Variants in SLF2 observed in about 807,000 individuals in gnomAD.
SLF2 encodes the protein SMC5-SMC6 complex localization factor protein 2.
In SLF2, 68 loss-of-function variants were observed where a neutral mutation model predicts 124.3. The observed-to-expected ratio is 0.55, with a 90% confidence interval of 0.45 to 0.67. SLF2 has a LOEUF of 0.67. Ranked by LOEUF, SLF2 falls within the 30% of genes least tolerant of loss-of-function variation. SLF2 has a pLI of 0.00. For missense variants in SLF2, 1,246 were observed against 1,373.7 expected (o/e 0.91, Z 1.47); for synonymous variants, 480 against 478.8 (o/e 1.00, Z -0.03).
chr10:100,939,840 T>C (rs895554895), intron 11 of SLF2, among the ~76,000 whole-genome samples: 1 of 152,190 alleles, frequency 6.6e-6, no homozygotes, highest in African/African-American at 2.4e-5. Context: ...AAAAGTTGAA[T>C]GTTTTCACTT....
Position 100,917,298 on chromosome 10 carries a change from G to A in SLF2, c.913G>A (p.Val305Met), listed in dbSNP as rs1373633888. The change falls in exon 3 of 20, where the codon GTG becomes ATG. Residue 305 changes from valine (V) to methionine (M), a missense_variant and splice_region_variant. By Grantham distance (21) the Val-to-Met change is conservative. This residue lies in a region of SLF2 where 698 missense variants were observed against 708.9 expected (regional missense o/e 0.98). Coordinates refer to ENST00000238961, the MANE Select transcript of SLF2 (RefSeq NM_018121.4). ...IIPGKNNLSN[V>M]ENGHLSRKRS... Reference sequence around the variant, plus strand: ...ACCTGGAAAAAATAATCTGTCAAATGTGGTATGTGTAAGAATTATTGAATT... The same window carrying A: ...ACCTGGAAAAAATAATCTGTCAAATATGGTATGTGTAAGAATTATTGAATT... 2 of 1,605,246 alleles carry A rather than the reference G, an allele frequency of 1.2e-6. No homozygotes were observed. The highest frequency in any genetic ancestry group is 1.7e-6 in the Non-Finnish European group (2 of 1,177,168).
rs1160818215 is a variant in SLF2 at position 100,951,486 on chromosome 10, C to T, written c.3330+733C>T. 3.9e-5 allele frequency among the ~76,000 whole-genome samples: 6 copies of T among 152,316 alleles called. No individual in the cohort carries two copies. In the East Asian group the frequency reaches 5.8e-4, roughly 15 times the overall value. ...CCATGCAGTTTACATAGCATTTTCA[C>T]TTAGCACCCTTTACCTAGCAACCTC... is the stretch of plus-strand genomic sequence containing the variant. On this transcript the variant is annotated intron_variant, in intron 17 of 19. Coordinates refer to ENST00000238961, the MANE Select transcript of SLF2 (RefSeq NM_018121.4).
intron 4 of SLF2, among the ~76,000 whole-genome samples, chr10:100,922,889 T>C (rs1016800746): frequency 6.6e-6 from 1 of 151,646 alleles, no homozygotes; most frequent in Non-Finnish European, 1.5e-5. Context: ...GATTCTCCTG[T>C]CTTGGCCTCC....
intron 9 of SLF2, among the ~76,000 whole-genome samples, chr10:100,934,163 A>G (rs968168129): frequency 6.6e-6 from 1 of 152,238 alleles, no homozygotes; most frequent in Non-Finnish European, 1.5e-5. Context: ...TAAACAGAAC[A>G]TGTGAATGTG....
intron 9 of SLF2, among the ~76,000 whole-genome samples, chr10:100,936,092 C>T (rs1304892771): frequency 1.3e-5 from 2 of 151,736 alleles, no homozygotes; most frequent in African/African-American, 4.8e-5. Context: ...AACCCCTGGG[C>T]TCAAATGATC....
At chr10:100,947,016 T>C (rs1850117224) in intron 13 of SLF2, 23 bp from the exon 14 acceptor site, 5 of 1,575,394 alleles carry the variant, frequency 3.2e-6, no homozygotes, top group Non-Finnish European at 2.6e-6. Context: ...TGAAAAGAAA[T>C]CTTACATGTT....
intron 6 of SLF2, among the ~76,000 whole-genome samples, chr10:100,927,451 A>G (rs988163897): frequency 6.6e-6 from 1 of 152,222 alleles, no homozygotes. Context: ...TGATTATTCC[A>G]TTGTATTATG....
At chr10:100,939,676 TA>T (rs112335880) in intron 11 of SLF2, among the ~76,000 whole-genome samples, 540 of 137,818 alleles carry the variant, frequency 3.9e-3, no homozygotes, top group African/African-American at 5.2e-3. Context: ...AGACTCCATC[TA>T]AAAAAAAAAA....
chr10:100,959,387 G>A, intron 18 of SLF2, 41 bp from the exon 19 acceptor site: 1 of 1,574,764 alleles, frequency 6.4e-7, no homozygotes, highest in Admixed American at 1.9e-5. Context: ...AGGTGAGAAT[G>A]TTTTAATCTG....
Position 100,948,476 on chromosome 10 carries a change from T to C in SLF2, c.3120+629T>C, listed in dbSNP as rs541132238. Among the ~76,000 whole-genome samples the C allele has an allele frequency of 1.7e-3, 261 of 152,134 alleles. 2 individuals carry two copies. The highest frequency in any genetic ancestry group is 5.6e-3 in the African/African-American group (233 of 41,482). ...GGAGACCTTGTCTTTAATATATATA[T>C]GAATGTTTTTAATTAAAAAAAATGT... On this transcript the variant is annotated intron_variant, in intron 15 of 19. Coordinates refer to ENST00000238961, the MANE Select transcript of SLF2 (RefSeq NM_018121.4).
chr10:100,957,580 C>T (rs1227698753), intron 18 of SLF2, among the ~76,000 whole-genome samples: 5 of 150,048 alleles, frequency 3.3e-5, no homozygotes, highest in African/African-American at 9.9e-5. Context: ...AGGCTAGTCT[C>T]GAACTCCTGA....
chr10:100,953,778 G>A (rs1190683264), intron 17 of SLF2, among the ~76,000 whole-genome samples: 5 of 151,792 alleles, frequency 3.3e-5, no homozygotes, highest in Admixed American at 2.0e-4. Context: ...TCAGCCTCCC[G>A]AGTAGCTGGG....
At chr10:100,944,889 G>A (rs1281928469) in intron 12 of SLF2, among the ~76,000 whole-genome samples, 1 of 152,224 alleles carries the variant, frequency 6.6e-6, no homozygotes, top group Non-Finnish European at 1.5e-5. Context: ...AATTAGTCAG[G>A]CGTGGTGGCA....
chr10:100,952,127 C>T (rs183328772), intron 17 of SLF2, among the ~76,000 whole-genome samples: 1 of 151,672 alleles, frequency 6.6e-6, no homozygotes, highest in East Asian at 1.9e-4. Flanking sequence ...GCATGTAATC[C>T]CAGCCACTCG....
At chr10:100,935,487 G>A (rs552553060) in intron 9 of SLF2, among the ~76,000 whole-genome samples, 5 of 151,938 alleles carry the variant, frequency 3.3e-5, no homozygotes, top group Non-Finnish European at 7.4e-5. Flanking sequence ...GATCACTTCA[G>A]GCCAGAAGTT....
Position 100,913,136 on chromosome 10 carries a change from G to A in SLF2, c.26G>A (p.Arg9Lys), listed in dbSNP as rs1849348206. Residue 9 changes from arginine (R) to lysine (K), a missense_variant, in exon 1 of 20, where the codon AGG becomes AAG. By Grantham distance (26) the Arg-to-Lys change is conservative. This residue lies in a region of SLF2 where 698 missense variants were observed against 708.9 expected (regional missense o/e 0.98). Coordinates refer to ENST00000238961, the MANE Select transcript of SLF2 (RefSeq NM_018121.4). Reference sequence around the variant, plus strand: ...ATGACAAGGCGCTGCATGCCCGCTAGGCCAGGTTTCCCCTCATCCCCAGCC... The same window carrying A: ...ATGACAAGGCGCTGCATGCCCGCTAAGCCAGGTTTCCCCTCATCCCCAGCC... The part of the protein sequence containing the change: MTRRCMPA[R>K]PGFPSSPAPG... 13 of 1,612,784 alleles carry A rather than the reference G, an allele frequency of 8.1e-6. No homozygotes were observed. The highest frequency in any genetic ancestry group is 1.1e-5 in the South Asian group (1 of 90,992).
intron 13 of SLF2, among the ~76,000 whole-genome samples, chr10:100,946,571 C>T (rs986142397): frequency 2.0e-5 from 3 of 152,074 alleles, no homozygotes; most frequent in Non-Finnish European, 2.9e-5. Flanking sequence ...AAGTGATTCA[C>T]CTCCCTCGGC....
At position 100,913,172 on chromosome 10, in the gene SLF2, C is replaced by T; in HGVS notation, c.62C>T (p.Ser21Leu). ...GFPSSPAPGS[S>L]PPRCHLRPGS... ...CCCTCATCCCCAGCCCCGGGGTCGT[C>T]GCCCCCGCGCTGCCATCTGAGACCC... is the stretch of plus-strand genomic sequence containing the variant. The change falls in exon 1 of 20, where the codon TCG becomes TTG. Residue 21 changes from serine to leucine, a missense_variant. This residue lies in a region of SLF2 where 698 missense variants were observed against 708.9 expected (regional missense o/e 0.98). Transcript: ENST00000238961. 6.2e-7 allele frequency: 1 copy of T among 1,613,470 alleles called. No individual in the cohort carries two copies. The highest frequency in any genetic ancestry group is 8.5e-7 in the Non-Finnish European group (1 of 1,179,774).
chr10:100,956,571 T>G, intron 18 of SLF2, 34 bp downstream of exon 18: 1 of 1,481,948 alleles, frequency 6.7e-7, no homozygotes, highest in Non-Finnish European at 9.2e-7. Flanking sequence ...CTTTTTTTTT[T>G]TCTTAATCTT....
Sources: gnomAD v4.1 joint callset for allele counts (sites outside exome capture counted in the v4.1 genomes callset) on GRCh38, gnomAD v4.1.1 for gene constraint, gnomAD v4.1.1 regional missense constraint, MANE v1.5 for transcripts, NCBI Gene and HGNC (gene_info 2026-07-23, HGNC 2026-07-21) for gene names.